ARHGAP26: variants seen among roughly 807,000 people sequenced by gnomAD.
The protein encoded by ARHGAP26 is rho GTPase-activating protein 26.
In ARHGAP26, 38 loss-of-function variants were observed where a neutral mutation model predicts 104.8. The ratio of observed to expected loss-of-function variants is 0.36; its 90% CI spans 0.28 to 0.48. ARHGAP26 has a LOEUF of 0.48. Among genes scored for constraint, ARHGAP26 ranks in the 20% least tolerant of loss-of-function variants. The probability of loss-of-function intolerance (pLI) is 0.99; values close to 1 mark genes in which losing one functional copy is unlikely to be tolerated. For missense variants in ARHGAP26, 704 were observed against 947.9 expected, an observed-to-expected ratio of 0.74 and a Z score of 3.38; for synonymous variants, 341 against 340.0, an observed-to-expected ratio of 1.00 and a Z score of -0.03.
intron 12 of ARHGAP26, among the ~76,000 whole-genome samples, chr5:143,014,815 A>T (rs245852): frequency 6.6e-6 from 1 of 152,072 alleles, no homozygotes; most frequent in African/African-American, 2.4e-5. Context: ...TATAGGAGAA[A>T]AAACAAAATC....
At position 142,871,955 on chromosome 5, in the gene ARHGAP26, G is replaced by A. The variant is rs367606442; in HGVS notation, c.155-1445G>A. Among the ~76,000 whole-genome samples the A allele has an allele frequency of 5.8e-4, 89 of 152,328 alleles. 2 individuals carry two copies. The highest frequency in any genetic ancestry group is 2.1e-3 in the African/African-American group (86 of 41,574). ...GACAAACCGCAGCTATCTCGGGACC[G>A]TGTCATCACAGCGTGTGGGAGGGCA... On this transcript the variant is annotated intron_variant, in intron 1 of 22. Transcript: ENST00000645722. This position sits in a 1 kb window ranked among gnomAD's most constrained non-coding sequence, Gnocchi z 4.1.
At position 143,037,404 on chromosome 5, in the gene ARHGAP26, G is replaced by A. The variant is rs1352457983; in HGVS notation, c.1210+143G>A. The A allele has an allele frequency of 8.8e-6, 5 of 568,664 alleles. No homozygotes were observed. In the East Asian group the frequency reaches 1.7e-4, roughly 19 times the overall value. The allele number at this position is 568,664 out of a possible 1,614,324, so 35.2% of individuals were successfully genotyped here. A position where few individuals can be genotyped will look rare whatever the true frequency, so the allele number is the denominator to read the frequency against. On this transcript the variant is annotated intron_variant, in intron 13 of 22. Transcript: ENST00000645722. ...TTGTCAGTGGATTTCCACAAGTCTT[G>A]TTGGTCTCAAGCAGGAGGTCCTAAC...
At chr5:143,102,765 A>G (rs968272285) in intron 17 of ARHGAP26, among the ~76,000 whole-genome samples, 1 of 152,238 alleles carries the variant, frequency 6.6e-6, no homozygotes, top group African/African-American at 2.4e-5. Flanking sequence ...TTCTGTTTAA[A>G]TTAGTTCTCC....
chr5:142,886,722 A>G (rs946451091), intron 5 of ARHGAP26, among the ~76,000 whole-genome samples: 1 of 147,144 alleles, frequency 6.8e-6, no homozygotes, highest in African/African-American at 2.5e-5. Context: ...CCTAAAAAAT[A>G]AAAAAAAAAA....
rs762378594 is a variant in ARHGAP26 at position 143,134,002 on chromosome 5, T to A, written c.1734T>A (p.Asn578Lys). Residue 578 changes from asparagine to lysine, a missense_variant, in exon 19 of 23, where the codon AAT (asparagine) becomes AAA (lysine). Coordinates refer to ENST00000645722, the MANE Select transcript of ARHGAP26 (RefSeq NM_001135608.3). ...FNTVPDMPLT[N>K]AQLHLSRKKS... The stretch of plus-strand genomic sequence containing the variant: ...CCGTGCCCGATATGCCTCTCACCAA[T>A]GCCCAGCTGCACCTGTCTCGGAAGA... 1.9e-6 allele frequency: 3 copies of A among 1,613,018 alleles called. No homozygotes were observed. Among genetic ancestry groups the A allele is most frequent in the African/African-American group, 1.3e-5 (1 of 75,010 alleles).
intron 1 of ARHGAP26, among the ~76,000 whole-genome samples, chr5:142,860,900 T>C (rs1753201542): frequency 6.6e-6 from 1 of 152,206 alleles, no homozygotes; most frequent in African/African-American, 2.4e-5. Context: ...AACTTCAGCA[T>C]GGATAAGAAC....
At position 143,014,102 on chromosome 5, in the gene ARHGAP26, G is replaced by T. The variant is rs762408939; in HGVS notation, c.1130G>T (p.Ser377Ile). Residue 377 changes from serine to isoleucine, a missense_variant, in exon 12 of 23, where the codon AGC becomes ATC. Physicochemically the swap from Ser to Ile is moderately radical, Grantham distance 142. Coordinates refer to ENST00000645722, the MANE Select transcript of ARHGAP26 (RefSeq NM_001135608.3). Reference protein sequence around the residue: ...REPVYNSNKDSQSEGTAQLDS... With the variant: ...REPVYNSNKDIQSEGTAQLDS... ...CAGGTCTACAACTCGAACAAAGACA[G>T]CCAGAGTGAAGGGAGTAAGTACGAT... 6.2e-7 allele frequency: 1 copy of T among 1,614,198 alleles called. No individual in the cohort carries two copies. Among genetic ancestry groups the T allele is most frequent in the Admixed American group, 1.7e-5 (1 of 60,026 alleles).
At chr5:142,907,655 A>G in intron 8 of ARHGAP26, 49 bp from the exon 9 acceptor site, 2 of 1,315,924 alleles carry the variant, frequency 1.5e-6, no homozygotes, top group African/African-American at 1.4e-5. Flanking sequence ...CATGATGTAT[A>G]GCATACAGTG....
At chr5:142,851,388 C>T (rs1210929127) in intron 1 of ARHGAP26, among the ~76,000 whole-genome samples, 7 of 152,192 alleles carry the variant, frequency 4.6e-5, no homozygotes, top group African/African-American at 1.2e-4. Flanking sequence ...TGAGCCGCTG[C>T]GCCCAGCCGG....
At chr5:143,016,176 T>C (rs1049167352) in intron 12 of ARHGAP26, among the ~76,000 whole-genome samples, 3 of 152,184 alleles carry the variant, frequency 2.0e-5, no homozygotes, top group Non-Finnish European at 4.4e-5. Flanking sequence ...TGATTGAAAT[T>C]TTAAAAAAAT....
intron 12 of ARHGAP26, among the ~76,000 whole-genome samples, chr5:143,032,024 G>A (rs1781956434): frequency 6.6e-6 from 1 of 152,134 alleles, no homozygotes; most frequent in Non-Finnish European, 1.5e-5. Flanking sequence ...AGGTTACTGA[G>A]CATAAACCCA....
chr5:143,046,136 A>G (rs1216381156), intron 14 of ARHGAP26, among the ~76,000 whole-genome samples: 1 of 151,766 alleles, frequency 6.6e-6, no homozygotes, highest in African/African-American at 2.4e-5. Flanking sequence ...CTCCATCCCC[A>G]AAAATAAAAA....
intron 20 of ARHGAP26, among the ~76,000 whole-genome samples, chr5:143,160,475 G>T (rs258794): frequency 0.23 from 34,263 of 149,566 alleles, 4,445 homozygotes; most frequent in East Asian, 0.4. Context: ...GCTTTTGGTG[G>T]TTTTTTTTTC....
intron 11 of ARHGAP26, among the ~76,000 whole-genome samples, chr5:142,988,120 A>C (rs1006113931): frequency 2.0e-5 from 3 of 152,084 alleles, no homozygotes; most frequent in African/African-American, 7.2e-5. Context: ...AATCCGTCTG[A>C]TCCTGGACGT....
chr5:142,790,900 G>T (rs1759665313), intron 1 of ARHGAP26, among the ~76,000 whole-genome samples: 1 of 152,018 alleles, frequency 6.6e-6, no homozygotes, highest in East Asian at 1.9e-4. Flanking sequence ...ACCCCGTTTA[G>T]TAGTCTTTAT....
At chr5:142,910,280 C>G (rs915636781) in intron 9 of ARHGAP26, among the ~76,000 whole-genome samples, 3 of 152,170 alleles carry the variant, frequency 2.0e-5, no homozygotes, top group South Asian at 2.1e-4. Context: ...CTCAAACGCT[C>G]TTTCCACAGT....
chr5:143,158,259 T>A (rs1800749584), intron 20 of ARHGAP26, among the ~76,000 whole-genome samples: 1 of 152,208 alleles, frequency 6.6e-6, no homozygotes. Flanking sequence ...AACATTGATA[T>A]AATTTTAAAA....
chr5:142,869,184 C>CT (rs113885013), intron 1 of ARHGAP26, among the ~76,000 whole-genome samples: 1 of 128,626 alleles, frequency 7.8e-6, no homozygotes. Context: ...ACTTTCTTTT[C>CT]TTTTCTTTTT....
chr5:142,961,383 G>A (rs529090615), intron 11 of ARHGAP26, among the ~76,000 whole-genome samples: 3 of 151,982 alleles, frequency 2.0e-5, no homozygotes, highest in Admixed American at 6.6e-5. Flanking sequence ...TTCCAGCTAC[G>A]TGGGAAGCTG....
Sources: allele counts gnomAD v4.1 joint callset (sites outside exome capture counted in the v4.1 genomes callset), GRCh38; gene constraint gnomAD v4.1.1; non-coding constraint Gnocchi (gnomAD v3.1); transcripts MANE v1.5; gene names NCBI Gene and HGNC (gene_info 2026-07-23, HGNC 2026-07-21).